RBFOX1: variants seen among roughly 807,000 people sequenced by gnomAD.
The protein encoded by RBFOX1 is RNA binding protein fox-1 homolog 1.
In RBFOX1, 8 loss-of-function variants were observed where a neutral mutation model predicts 57.7. That is an observed-to-expected ratio of 0.14 (90% CI 0.08 to 0.25). The LOEUF (loss-of-function observed/expected upper bound fraction) is 0.25, where lower values mean the gene tolerates loss of function less well. Ranked by LOEUF, RBFOX1 falls within the 10% of genes least tolerant of loss-of-function variation. RBFOX1 has a pLI of 1.00. For synonymous variants in RBFOX1, 326 were observed against 222.4 expected, an observed-to-expected ratio of 1.47 and a Z score of -4.15; for missense variants, 611 against 548.5, an observed-to-expected ratio of 1.11 and a Z score of -1.14.
At chr16:5,253,200 A>C (rs959233601) in intron 1 of RBFOX1, among the ~76,000 whole-genome samples, 1 of 150,768 alleles carries the variant, frequency 6.6e-6, no homozygotes, top group African/African-American at 2.4e-5. Context: ...CCCAGGCTGG[A>C]GTGCAATGGT....
At chr16:6,274,519 G>A (rs1051964036) in intron 1 of RBFOX1, among the ~76,000 whole-genome samples, 2 of 152,172 alleles carry the variant, frequency 1.3e-5, no homozygotes, top group African/African-American at 2.4e-5. Flanking sequence ...TCATTGCCAG[G>A]GGTTGAGAGG....
intron 4 of RBFOX1, among the ~76,000 whole-genome samples, chr16:7,346,659 G>C (rs1271738195): frequency 1.3e-5 from 2 of 151,904 alleles, no homozygotes; most frequent in Non-Finnish European, 2.9e-5. Flanking sequence ...AAGCCTTTGT[G>C]TTCAGATCTG....
At position 7,677,607 on chromosome 16, in the gene RBFOX1, T is replaced by C. The variant is rs190229346; in HGVS notation, c.995+769T>C. 4.6e-5 allele frequency among the ~76,000 whole-genome samples: 7 copies of C among 152,284 alleles called. No homozygotes were observed. The East Asian group carries it at 7.7e-4, about 17-fold the overall frequency. ...GCAAGCCGTAGCTACTTTTGTATGG[T>C]TGCCTTGAAAAGGAAAGTGTGTGTT... is the stretch of plus-strand genomic sequence containing the variant. On this transcript the variant is annotated intron_variant, in intron 14 of 15. Transcript: ENST00000550418.
chr16:5,596,225 C>G (rs765447340), intron 2 of RBFOX1, among the ~76,000 whole-genome samples: 1 of 152,166 alleles, frequency 6.6e-6, no homozygotes, highest in Non-Finnish European at 1.5e-5. Context: ...AGATCATACT[C>G]GAGTGTGAGT....
chr16:6,443,102 C>G (rs2094418970), intron 2 of RBFOX1, among the ~76,000 whole-genome samples: 1 of 152,122 alleles, frequency 6.6e-6, no homozygotes, highest in South Asian at 2.1e-4. Flanking sequence ...GTTCCCAGCC[C>G]CCAGTTTTCC....
In RBFOX1 at chr16:5,390,348, G is replaced by T. The variant is rs368877035; in HGVS notation, c.220-76868G>T. 8.7e-5 allele frequency among the ~76,000 whole-genome samples: 13 copies of T among 149,830 alleles called. 1 individual carries two copies. Among genetic ancestry groups the T allele is most frequent in the Admixed American group, 3.3e-4 (5 of 15,042 alleles). On this transcript the variant is annotated intron_variant, in intron 1 of 2. Transcript: ENST00000585867. ...GTGTCACCCAGGCTGGAGTGCAATG[G>T]CATGATTTCAGCTCACTGCAACCTG...
intron 4 of RBFOX1, among the ~76,000 whole-genome samples, chr16:7,279,056 T>A (rs1337372029): frequency 6.6e-6 from 1 of 152,024 alleles, no homozygotes; most frequent in African/African-American, 2.4e-5. Flanking sequence ...CTATTTTATC[T>A]AATTCTAAAA....
At chr16:7,183,363 A>G (rs1310659362) in intron 4 of RBFOX1, among the ~76,000 whole-genome samples, 2 of 152,086 alleles carry the variant, frequency 1.3e-5, no homozygotes, top group Non-Finnish European at 2.9e-5. Context: ...AACAGAGGTA[A>G]TTTTTTTCTA....
Position 7,515,835 on chromosome 16 carries a change from C to CGTTGTT in RBFOX1, c.28-2289_28-2284dup, listed in dbSNP as rs139201687. ...GGGAGGTCCCCTTCAAGTGGCAGTT[C>CGTTGTT]GTTGTTGTTGTTGTTGTTGTTGTTG... On this transcript the variant is annotated intron_variant, in intron 4 of 15. Coordinates refer to ENST00000550418, the MANE Select transcript of RBFOX1 (RefSeq NM_018723.4). Among the ~76,000 whole-genome samples, 1,294 of 151,346 alleles carry CGTTGTT rather than the reference C, an allele frequency of 8.5e-3. 5 individuals carry two copies. The highest frequency in any genetic ancestry group is 0.012 in the Non-Finnish European group (795 of 67,820).
intron 1 of RBFOX1, among the ~76,000 whole-genome samples, chr16:5,435,202 G>A (rs1218959476): frequency 6.6e-6 from 1 of 152,206 alleles, no homozygotes; most frequent in Non-Finnish European, 1.5e-5. Context: ...TGCTTCTCAA[G>A]TAGCTGGTGA....
intron 3 of RBFOX1, among the ~76,000 whole-genome samples, chr16:5,752,838 A>G (rs1387274402): frequency 6.6e-6 from 1 of 152,192 alleles, no homozygotes; most frequent in East Asian, 1.9e-4. Context: ...ACTAGATCAA[A>G]AGAAATAAAT....
At chr16:5,654,403 C>T (rs1473939935) in intron 3 of RBFOX1, among the ~76,000 whole-genome samples, 1 of 152,108 alleles carries the variant, frequency 6.6e-6, no homozygotes, top group Non-Finnish European at 1.5e-5. Context: ...AATTAGCAAA[C>T]ATTTCAAATC....
intron 4 of RBFOX1, among the ~76,000 whole-genome samples, chr16:7,350,000 T>C (rs1480408708): frequency 6.6e-6 from 1 of 152,018 alleles, no homozygotes; most frequent in Non-Finnish European, 1.5e-5. Flanking sequence ...ATACAAAAAT[T>C]AGCTGGCATG....
chr16:5,244,132 G>A (rs778659478), intron 1 of RBFOX1, among the ~76,000 whole-genome samples: 3 of 152,134 alleles, frequency 2.0e-5, no homozygotes, highest in South Asian at 2.1e-4. Context: ...CCTGACCTGA[G>A]GTGATCTGCC....
chr16:6,399,624 C>T (rs1268712431), intron 2 of RBFOX1, among the ~76,000 whole-genome samples: 1 of 151,390 alleles, frequency 6.6e-6, no homozygotes, highest in African/African-American at 2.4e-5. Flanking sequence ...CCAAACTGTT[C>T]CAACCTCTGC....
At chr16:6,676,142 G>GCGCGCACACA (rs1197461775) in intron 3 of RBFOX1, among the ~76,000 whole-genome samples, 10 of 145,968 alleles carry the variant, frequency 6.9e-5, no homozygotes, top group Non-Finnish European at 1.5e-5. Flanking sequence ...ACACACACGC[G>GCGCGCACACA]CACACACACA....
At chr16:7,209,980 C>A (rs145081953) in intron 4 of RBFOX1, among the ~76,000 whole-genome samples, 10 of 152,300 alleles carry the variant, frequency 6.6e-5, no homozygotes, top group Non-Finnish European at 1.2e-4. Flanking sequence ...TTCACCTGTG[C>A]TTATTAAACT....
At chr16:7,364,045 C>T (rs2097384980) in intron 4 of RBFOX1, among the ~76,000 whole-genome samples, 1 of 152,190 alleles carries the variant, frequency 6.6e-6, no homozygotes, top group African/African-American at 2.4e-5. Context: ...GTAGAACAGC[C>T]AGTCAGCTTT....
At chr16:6,193,772 C>G (rs2097162389) in intron 1 of RBFOX1, among the ~76,000 whole-genome samples, 1 of 152,002 alleles carries the variant, frequency 6.6e-6, no homozygotes, top group South Asian at 2.1e-4. Context: ...CTGTTTTACC[C>G]TCCCCACTGG....
Sources: gnomAD v4.1 joint callset for allele counts (sites outside exome capture counted in the v4.1 genomes callset) on GRCh38, gnomAD v4.1.1 for gene constraint, MANE v1.5 for transcripts, NCBI Gene and HGNC (gene_info 2026-07-23, HGNC 2026-07-21) for gene names.